The following MGST1 variants were observed in gnomAD, a reference collection of about 807,000 sequenced individuals.
MGST1 encodes glutathione S-transferase 12.
In MGST1, 5 loss-of-function variants were observed where a neutral mutation model predicts 8.9. That is an observed-to-expected ratio of 0.56 (90% CI 0.29 to 1.19). The LOEUF (loss-of-function observed/expected upper bound fraction) is 1.19. Ranked by LOEUF, MGST1 falls within the 50% of genes most tolerant of loss-of-function variation. MGST1 has a pLI of 0.08. For synonymous variants in MGST1, 54 were observed against 67.8 expected, an observed-to-expected ratio of 0.80 and a Z score of 1.00; for missense variants, 182 against 187.4, an observed-to-expected ratio of 0.97 and a Z score of 0.17.
chr12:16,453,623 A>G (rs891056535), intron 4 of MGST1, among the ~76,000 whole-genome samples: 2 of 151,948 alleles, frequency 1.3e-5, no homozygotes, highest in Non-Finnish European at 2.9e-5. Flanking sequence ...TCTGGAAGAT[A>G]AATGTCGGGA....
In MGST1 at chr12:16,582,944, G is replaced by A. The variant is rs1001426248; in HGVS notation, n.483-6584G>A. ...CACCTGTAATCCCAGCTACTCAGGA[G>A]GCTAATGCAGGAAAATCTCTTGAAG... is the stretch of plus-strand genomic sequence containing the variant. On this transcript the variant is annotated intron_variant and non_coding_transcript_variant, in intron 4 of 4. Coordinates refer to the MGST1 transcript ENST00000538857. The surrounding 1 kb of genome is among the most constrained non-coding windows in gnomAD (Gnocchi z 4.1). 2.6e-5 allele frequency among the ~76,000 whole-genome samples: 4 copies of A among 151,718 alleles called. No individual in the cohort carries two copies. The highest frequency in any genetic ancestry group is 9.7e-5 in the African/African-American group (4 of 41,252).
At chr12:16,441,116 A>T (rs1035468594), downstream of MGST1, among the ~76,000 whole-genome samples, 1 of 151,856 alleles carries the variant, frequency 6.6e-6, no homozygotes, top group Non-Finnish European at 1.5e-5. Flanking sequence ...ACACCTGTAT[A>T]AACTACACAT....
At chr12:16,581,723 CT>C (rs971435953) in intron 4 of MGST1, among the ~76,000 whole-genome samples, 129 of 151,856 alleles carry the variant, frequency 8.5e-4, no homozygotes, top group African/African-American at 2.8e-3. Flanking sequence ...AAATAGAGGA[CT>C]TTTTTTTCAG....
chr12:16,580,734 CA>C (rs1943134990), intron 4 of MGST1, among the ~76,000 whole-genome samples: 1 of 152,122 alleles, frequency 6.6e-6, no homozygotes, highest in Admixed American at 6.6e-5. Context: ...ATAATTAGAG[CA>C]AACATTAGTA....
intron 4 of MGST1, among the ~76,000 whole-genome samples, chr12:16,561,624 GCA>G (rs1491156275): frequency 6.6e-6 from 1 of 152,136 alleles, no homozygotes; most frequent in African/African-American, 2.4e-5. Context: ...TAAGGATTAG[GCA>G]CAAATGTGCT....
At chr12:16,437,299 T>C (rs1940994926) in intron 1 of MGST1, 1 of 151,906 alleles carries the variant, frequency 6.6e-6, no homozygotes, top group Non-Finnish European at 1.5e-5. Context: ...TTTGAGAATA[T>C]TGGTTAATTG....
At chr12:16,551,244 C>T in intron 4 of MGST1, 1 of 1,611,182 alleles carries the variant, frequency 6.2e-7, no homozygotes, top group Non-Finnish European at 8.5e-7. Flanking sequence ...GGGTGCATAA[C>T]CTTCTTTCAT....
rs1191339745 is a variant in MGST1 at position 16,413,934 on chromosome 12, ATAT to A, written n.779-23451_779-23449del. Among the ~76,000 whole-genome samples the A allele has an allele frequency of 2.0e-5, 3 of 152,306 alleles. No homozygotes were observed. Among genetic ancestry groups the A allele is most frequent in the African/African-American group, 7.2e-5 (3 of 41,574 alleles). The stretch of plus-strand genomic sequence containing the variant: ...ATATTATTTTCTTCTTACAAACATA[ATAT>A]TAAGGCTTACTTTCTGCAAAATTTA... On this transcript the variant is annotated intron_variant and non_coding_transcript_variant, in intron 1 of 1. Transcript: ENST00000359720. This position sits in a 1 kb window ranked among gnomAD's most constrained non-coding sequence, Gnocchi z 4.0.
At chr12:16,563,616 A>G (rs1184970993) in intron 4 of MGST1, among the ~76,000 whole-genome samples, 1 of 151,980 alleles carries the variant, frequency 6.6e-6, no homozygotes, top group African/African-American at 2.4e-5. Context: ...TTACTCCCAC[A>G]CTCGTTTATA....
At chr12:16,481,034 G>A (rs1173996024) in intron 4 of MGST1, among the ~76,000 whole-genome samples, 1 of 152,072 alleles carries the variant, frequency 6.6e-6, no homozygotes, top group East Asian at 1.9e-4. Flanking sequence ...TAGGATCATA[G>A]TTTGCTGATC....
chr12:16,488,924 C>T (rs1207578080), intron 4 of MGST1, among the ~76,000 whole-genome samples: 2 of 151,972 alleles, frequency 1.3e-5, no homozygotes, highest in Admixed American at 6.6e-5. Flanking sequence ...GCCTGGGCAA[C>T]ATAGTGAGAC....
downstream of MGST1, among the ~76,000 whole-genome samples, chr12:16,378,008 G>A (rs2137035304): frequency 6.6e-6 from 1 of 151,516 alleles, no homozygotes; most frequent in South Asian, 2.1e-4. Context: ...TTTTTTTCTT[G>A]TAAATTTGTT....
chr12:16,422,324 A>G (rs2137084972), intron 1 of MGST1, among the ~76,000 whole-genome samples: 1 of 152,242 alleles, frequency 6.6e-6, no homozygotes, highest in Middle Eastern at 3.4e-3. Flanking sequence ...GATCAGATAT[A>G]CCGCACAAAT....
intron 4 of MGST1, among the ~76,000 whole-genome samples, chr12:16,571,773 C>A (rs1445214706): frequency 6.6e-6 from 1 of 152,018 alleles, no homozygotes; most frequent in African/African-American, 2.4e-5. Flanking sequence ...TCATTCTAAT[C>A]AAAGTGTAAC....
At position 16,546,700 on chromosome 12, in the gene MGST1, T is replaced by C. The variant is rs1201751531; in HGVS notation, n.483-42828T>C. ...TCTTACTTACCTAAGGGAACTGTTGTAATTATTCTATAAGCTTATTGGAAT... is the reference window on the plus strand; with the variant it reads ...TCTTACTTACCTAAGGGAACTGTTGCAATTATTCTATAAGCTTATTGGAAT... On this transcript the variant is annotated intron_variant and non_coding_transcript_variant, in intron 4 of 4. Transcript: ENST00000538857. This position sits in a 1 kb window ranked among gnomAD's most constrained non-coding sequence, Gnocchi z 4.7. Among the ~76,000 whole-genome samples the C allele has an allele frequency of 1.3e-5, 2 of 152,164 alleles. No homozygotes were observed. The highest frequency in any genetic ancestry group is 2.9e-5 in the Non-Finnish European group (2 of 68,012).
intron 4 of MGST1, among the ~76,000 whole-genome samples, chr12:16,529,303 A>G (rs1941707218): frequency 6.6e-6 from 1 of 152,036 alleles, no homozygotes; most frequent in Non-Finnish European, 1.5e-5. Context: ...TCCCTGGTAT[A>G]TTCATTATCC....
chr12:16,549,250 A>G (rs558527157), intron 4 of MGST1: 1 of 152,230 alleles, frequency 6.6e-6, no homozygotes, highest in South Asian at 2.1e-4. Flanking sequence ...AACAAGTGTA[A>G]GGCTCTAAGG....
At chr12:16,443,593 C>T (rs557883559), downstream of MGST1, among the ~76,000 whole-genome samples, 10 of 151,894 alleles carry the variant, frequency 6.6e-5, no homozygotes, top group African/African-American at 2.2e-4. Context: ...ACATCATAAA[C>T]AATGCTGTTT....
At chr12:16,489,064 C>T (rs894009127) in intron 4 of MGST1, among the ~76,000 whole-genome samples, 4 of 151,962 alleles carry the variant, frequency 2.6e-5, no homozygotes, top group Admixed American at 1.3e-4. Context: ...GAGCTATTAT[C>T]GTGTCACTGC....
Sources: gnomAD v4.1 joint callset for allele counts (sites outside exome capture counted in the v4.1 genomes callset) on GRCh38, gnomAD v4.1.1 for gene constraint, Gnocchi (gnomAD v3.1) non-coding constraint, MANE v1.5 for transcripts, NCBI Gene and HGNC (gene_info 2026-07-23, HGNC 2026-07-21) for gene names.